Variants in NFIA observed in about 807,000 individuals in gnomAD.
NFIA encodes the protein nuclear factor I A, also known as nuclear factor 1 A-type.
NFIA carries 8 observed loss-of-function variants against 62.8 expected under a neutral mutation model. That is an observed-to-expected ratio of 0.13 (90% confidence interval 0.07 to 0.23). The LOEUF (loss-of-function observed/expected upper bound fraction) is 0.23. Ranked by LOEUF, NFIA falls within the 10% of genes least tolerant of loss-of-function variation. NFIA has a pLI of 1.00. For synonymous variants in NFIA, 235 were observed against 238.1 expected (o/e 0.99, Z 0.12); for missense variants, 410 against 642.1 (o/e 0.64, Z 3.91).
chr1:61,168,821 G>T (rs908401352), intron 2 of NFIA, among the ~76,000 whole-genome samples: 1 of 152,110 alleles, frequency 6.6e-6, no homozygotes, highest in African/African-American at 2.4e-5. Context: ...ACTTAATTAT[G>T]AATGGCTGTT....
intron 2 of NFIA, among the ~76,000 whole-genome samples, chr1:61,186,244 G>T (rs1411621412): frequency 6.6e-6 from 1 of 152,176 alleles, no homozygotes; most frequent in Non-Finnish European, 1.5e-5. Flanking sequence ...CTCTGCCATT[G>T]ACTAGTTGTA....
At chr1:61,245,069 C>G (rs960664020) in intron 2 of NFIA, among the ~76,000 whole-genome samples, 2 of 152,052 alleles carry the variant, frequency 1.3e-5, no homozygotes, top group Non-Finnish European at 2.9e-5. Flanking sequence ...AGAAAAATGG[C>G]TGGGATGAAT....
At chr1:61,291,862 T>A (rs1334774052) in intron 3 of NFIA, among the ~76,000 whole-genome samples, 1 of 152,206 alleles carries the variant, frequency 6.6e-6, no homozygotes, top group East Asian at 1.9e-4. Flanking sequence ...ATATACTACA[T>A]AATATATGTA....
intron 10 of NFIA, among the ~76,000 whole-genome samples, chr1:61,445,799 C>T (rs554014989): frequency 6.5e-4 from 99 of 152,216 alleles, no homozygotes; most frequent in Non-Finnish European, 1.0e-3. Context: ...GTCTGAAAGT[C>T]GTTTTGTATT....
intron 3 of NFIA, among the ~76,000 whole-genome samples, chr1:61,304,285 A>AAGAGAG (rs376576764): frequency 6.6e-6 from 1 of 151,336 alleles, no homozygotes; most frequent in African/African-American, 2.4e-5. Flanking sequence ...AAAAAAGAAA[A>AAGAGAG]AGAGAGAGAG....
intron 2 of NFIA, among the ~76,000 whole-genome samples, chr1:61,137,509 T>C (rs1460141222): frequency 6.6e-6 from 1 of 152,236 alleles, no homozygotes; most frequent in African/African-American, 2.4e-5. Flanking sequence ...CTCTCCCTTC[T>C]GGCTCTTTTC....
At chr1:61,310,982 T>C (rs946822194) in intron 3 of NFIA, among the ~76,000 whole-genome samples, 5 of 152,192 alleles carry the variant, frequency 3.3e-5, no homozygotes, top group Admixed American at 6.5e-5. Flanking sequence ...GTATCCCCAG[T>C]ACTGACACAG....
chr1:61,370,089 A>T (rs1663806969), intron 6 of NFIA, among the ~76,000 whole-genome samples: 1 of 152,212 alleles, frequency 6.6e-6, no homozygotes, highest in South Asian at 2.1e-4. Flanking sequence ...GTCTGTGCAG[A>T]TCCCAGAAGT....
chr1:61,126,904 C>A (rs1646984235), intron 2 of NFIA, among the ~76,000 whole-genome samples: 1 of 148,078 alleles, frequency 6.8e-6, no homozygotes, highest in Admixed American at 6.9e-5. Context: ...CGTGCCTCAG[C>A]CTCCTGAGTA....
chr1:61,112,136 T>TAAA (rs1221302940), intron 2 of NFIA, among the ~76,000 whole-genome samples: 189 of 151,318 alleles, frequency 1.2e-3, no homozygotes, highest in African/African-American at 3.6e-3. Context: ...TTTTTTTTTT[T>TAAA]AAAAAAAAAC....
At chr1:61,431,874 C>T (rs920493048) in intron 10 of NFIA, among the ~76,000 whole-genome samples, 2 of 152,174 alleles carry the variant, frequency 1.3e-5, no homozygotes, top group African/African-American at 4.8e-5. Flanking sequence ...AAGCTTAGAC[C>T]ATCTGTGGAA....
intron 2 of NFIA, among the ~76,000 whole-genome samples, chr1:61,276,700 G>C (rs1174661895): frequency 2.0e-5 from 3 of 151,866 alleles, no homozygotes; most frequent in Non-Finnish European, 4.4e-5. Flanking sequence ...AAATTCTTTT[G>C]ATCTAAGTTA....
chr1:61,320,893 A>T (rs1417755308), intron 3 of NFIA, among the ~76,000 whole-genome samples: 1 of 152,188 alleles, frequency 6.6e-6, no homozygotes, highest in Non-Finnish European at 1.5e-5. Flanking sequence ...TTCAGGGAAT[A>T]CATTTCCCTG....
At chr1:61,393,238 CCTCT>C (rs1383901831) in intron 7 of NFIA, among the ~76,000 whole-genome samples, 1 of 40,884 alleles carries the variant, frequency 2.4e-5, no homozygotes, top group East Asian at 1.7e-3. Flanking sequence ...TCTGCCTCGC[CCTCT>C]CCCTCTCTCT....
At chr1:61,295,899 AT>A (rs1431243379) in intron 3 of NFIA, among the ~76,000 whole-genome samples, 1 of 152,100 alleles carries the variant, frequency 6.6e-6, no homozygotes, top group East Asian at 1.9e-4. Flanking sequence ...TATATTGCAT[AT>A]TTTCTTTTCA....
At chr1:61,342,191 C>CT (rs1661958023) in intron 4 of NFIA, among the ~76,000 whole-genome samples, 1 of 149,514 alleles carries the variant, frequency 6.7e-6, no homozygotes, top group African/African-American at 2.6e-5. Flanking sequence ...ATATTGAAAA[C>CT]TATTTTTTTT....
chr1:61,261,151 C>T (rs1276362580), intron 2 of NFIA, among the ~76,000 whole-genome samples: 1 of 152,120 alleles, frequency 6.6e-6, no homozygotes, highest in African/African-American at 2.4e-5. Flanking sequence ...CCAGGCTAAC[C>T]CAGCTTCTAA....
At chr1:61,226,688 A>G (rs536664297) in intron 2 of NFIA, among the ~76,000 whole-genome samples, 1 of 152,334 alleles carries the variant, frequency 6.6e-6, no homozygotes, top group Non-Finnish European at 1.5e-5. Flanking sequence ...GGGATTTTAC[A>G]TCAGACAGAT....
At chr1:61,427,707 G>A (rs111880517) in intron 10 of NFIA, among the ~76,000 whole-genome samples, 21 of 152,300 alleles carry the variant, frequency 1.4e-4, no homozygotes, top group African/African-American at 5.1e-4. Context: ...AGAAAGTACA[G>A]CATCAGCAGA....
Sources: gnomAD v4.1 joint callset for allele counts (sites outside exome capture counted in the v4.1 genomes callset) on GRCh38, gnomAD v4.1.1 for gene constraint, MANE v1.5 for transcripts, NCBI Gene and HGNC (gene_info 2026-07-23, HGNC 2026-07-21) for gene names.